TMC3: variants seen among roughly 807,000 people sequenced by gnomAD.
The protein encoded by TMC3 is transmembrane channel like 3, also known as transmembrane channel-like protein 3.
A neutral mutation model predicts 110.6 loss-of-function variants in TMC3; 98 were observed. That is an observed-to-expected ratio of 0.89 (90% CI 0.75 to 1.05). The LOEUF (loss-of-function observed/expected upper bound fraction) is 1.05. TMC3 is among the 50% of genes least tolerant of loss of function. The pLI, the probability that TMC3 is intolerant of heterozygous loss-of-function variation, is 0.00. For synonymous variants in TMC3, 489 were observed against 513.1 expected (o/e 0.95, Z 0.63); for missense variants, 1,319 against 1,373.2 (o/e 0.96, Z 0.62).
At position 81,351,532 on chromosome 15, in the gene TMC3, G is replaced by C. The variant is rs552112772; in HGVS notation, c.1083+162C>G. Among the ~76,000 whole-genome samples the C allele has an allele frequency of 2.6e-5, 4 of 151,794 alleles. No individual in the cohort carries two copies. The East Asian group carries it at 7.8e-4, about 29-fold the overall frequency. On this transcript the variant is annotated intron_variant, in intron 10 of 21. Transcript: ENST00000359440. ...ACGCCCAGCTAATTTTTGTGTTTTT[G>C]GTAGAGATGGGGTTTCATCATGTTG...
chr15:81,356,682 A>G, intron 7 of TMC3, 88 bp from the exon 8 acceptor site: 1 of 1,440,010 alleles, frequency 6.9e-7, no homozygotes. Flanking sequence ...GTGAATTAGC[A>G]TAGGCTGCAC....
chr15:81,346,330 G>C, intron 12 of TMC3, 35 bp downstream of exon 12: 1 of 1,591,690 alleles, frequency 6.3e-7, no homozygotes, highest in Non-Finnish European at 8.6e-7. Flanking sequence ...AGAGGGCAGA[G>C]GTGGGGCAGG....
intron 11 of TMC3, among the ~76,000 whole-genome samples, chr15:81,346,880 G>A (rs564072260): frequency 8.5e-5 from 13 of 152,304 alleles, no homozygotes; most frequent in African/African-American, 3.1e-4. Flanking sequence ...CGCAGAGGGA[G>A]CTAAGTCACC....
At chr15:81,340,944 G>A (rs1003958781) in intron 16 of TMC3, among the ~76,000 whole-genome samples, 2 of 151,882 alleles carry the variant, frequency 1.3e-5, no homozygotes, top group African/African-American at 2.4e-5. Flanking sequence ...AGCACATACT[G>A]TGTGTGTGTG....
Position 81,372,521 on chromosome 15 carries a change from A to T in TMC3, c.236+70T>A, listed in dbSNP as rs1011343591. On this transcript the variant is annotated intron_variant, in intron 2 of 21. Transcript: ENST00000359440. ...CACATGAGTCTTTATCCTCGTTCCC[A>T]TGGGCAAGGCAAGGTGGTTTATCGG... 6.3e-6 allele frequency: 10 copies of T among 1,593,876 alleles called. No individual in the cohort carries two copies. In the Admixed American group the frequency reaches 1.7e-4, roughly 27 times the overall value.
chr15:81,373,849 A>G, intron 1 of TMC3, 140 bp downstream of exon 1: 2 of 754,416 alleles, frequency 2.7e-6, no homozygotes, highest in Non-Finnish European at 4.3e-6. Context: ...TTGTACCACA[A>G]CCTGGAGAAG....
chr15:81,365,670 C>CA (rs398043535), intron 3 of TMC3, among the ~76,000 whole-genome samples: 13,722 of 81,898 alleles, frequency 0.17, 893 homozygotes, highest in Non-Finnish European at 0.23. Flanking sequence ...GACTCTGTCT[C>CA]AAAAAAAAAA....
intron 3 of TMC3, among the ~76,000 whole-genome samples, chr15:81,364,248 G>T (rs544920854): frequency 2.0e-5 from 3 of 152,236 alleles, no homozygotes; most frequent in Admixed American, 1.3e-4. Flanking sequence ...AATGGCCCAA[G>T]ATGCTCATTC....
In TMC3 at chr15:81,349,634, T is replaced by C. The variant is rs1893900163; in HGVS notation, c.1084-67A>G. On this transcript the variant is annotated intron_variant, in intron 10 of 21. Coordinates refer to ENST00000359440, the MANE Select transcript of TMC3 (RefSeq NM_001080532.3). The stretch of plus-strand genomic sequence containing the variant: ...CCCCCACCAGCCCTCACCATGTGCA[T>C]TTGATCTCTTTCCCTAATATTGGAT... 4.3e-6 allele frequency: 4 copies of C among 920,210 alleles called. No individual in the cohort carries two copies. The East Asian group carries it at 1.3e-4, about 30-fold the overall frequency. 57.0% of individuals were successfully genotyped at this position (920,210 alleles called of 1,614,324 possible).
In TMC3 at chr15:81,334,935, T is replaced by C. The variant is rs765216901; in HGVS notation, c.2244A>G (p.Pro748=). 4 of 1,613,944 alleles carry C rather than the reference T, an allele frequency of 2.5e-6. No individual in the cohort carries two copies. ...GCTGGCTGGTAAGATCACTGTCGTT[T>C]GGAAGCTTCTTGGTGCTTTCTTCCT... ...QTQEESTKKL[P]NDSDLTSQLS... is the part of the protein sequence containing the mutation. The change falls in exon 21 of 22, where the codon CCA becomes CCG. Residue 748 remains proline, a synonymous_variant. Transcript: ENST00000359440.
At chr15:81,344,686 G>A (rs1596082816) in intron 13 of TMC3, 80 bp downstream of exon 13, 5 of 1,374,066 alleles carry the variant, frequency 3.6e-6, no homozygotes, top group East Asian at 4.6e-5. Flanking sequence ...ATAACATAGG[G>A]GCAGTGACAG....
chr15:81,351,541 G>A (rs1040913983), intron 10 of TMC3, among the ~76,000 whole-genome samples, 153 bp downstream of exon 10: 4 of 151,906 alleles, frequency 2.6e-5, no homozygotes, highest in Non-Finnish European at 5.9e-5. Flanking sequence ...TGGTAGAGAT[G>A]GGGTTTCATC....
At chr15:81,338,416 C>T (rs1893642515) in intron 18 of TMC3, among the ~76,000 whole-genome samples, 1 of 152,156 alleles carries the variant, frequency 6.6e-6, no homozygotes, top group Admixed American at 6.5e-5. Flanking sequence ...ATAACCACCT[C>T]AATGGCAATG....
chr15:81,342,115 G>A (rs1445282461), intron 15 of TMC3, among the ~76,000 whole-genome samples: 1 of 152,180 alleles, frequency 6.6e-6, no homozygotes, highest in Non-Finnish European at 1.5e-5. Flanking sequence ...TGAGCCCACA[G>A]ACAAGAACCA....
chr15:81,369,790 G>A (rs1267891939), intron 2 of TMC3, among the ~76,000 whole-genome samples: 1 of 152,100 alleles, frequency 6.6e-6, no homozygotes, highest in Non-Finnish European at 1.5e-5. Context: ...GCTGGATGTG[G>A]TGGCACATGA....
intron 14 of TMC3, among the ~76,000 whole-genome samples, chr15:81,343,656 GGCA>G (rs1197893303): frequency 6.6e-6 from 1 of 151,728 alleles, no homozygotes; most frequent in Admixed American, 6.6e-5. Context: ...TGGGCATGGT[GGCA>G]TGTGCCTATA....
intron 17 of TMC3, 112 bp from the exon 18 acceptor site, chr15:81,338,892 T>C (rs894970059): frequency 8.8e-7 from 1 of 1,130,974 alleles, no homozygotes; most frequent in Non-Finnish European, 1.3e-6. Context: ...ATTCCTCAAA[T>C]GATTTCATAT....
At chr15:81,346,564 G>A in intron 11 of TMC3, 121 bp from the exon 12 acceptor site, 1 of 938,528 alleles carries the variant, frequency 1.1e-6, no homozygotes, top group Non-Finnish European at 1.7e-6. Context: ...GCCACACTTG[G>A]TTTCCTCTAG....
chr15:81,337,617 A>C (rs1742439256), intron 19 of TMC3: 1 of 598,462 alleles, frequency 1.7e-6, no homozygotes, highest in African/African-American at 1.9e-5. Flanking sequence ...AGGCCTCTTG[A>C]GGAGGAAGAA....
Sources: gnomAD v4.1 joint callset for allele counts (sites outside exome capture counted in the v4.1 genomes callset) on GRCh38, gnomAD v4.1.1 for gene constraint, MANE v1.5 for transcripts, NCBI Gene and HGNC (gene_info 2026-07-23, HGNC 2026-07-21) for gene names.